IQCK: variants seen among roughly 807,000 people sequenced by gnomAD.
The protein encoded by IQCK is IQ motif containing K, also known as IQ domain-containing protein K.
A neutral mutation model predicts 28.1 loss-of-function variants in IQCK; 29 were observed. The observed-to-expected ratio is 1.03, with a 90% CI of 0.77 to 1.41. IQCK has a LOEUF of 1.41. Ranked by LOEUF, IQCK falls within the 40% of genes most tolerant of loss-of-function variation. IQCK has a pLI of 0.00. For missense variants in IQCK, 359 were observed against 314.7 expected, an observed-to-expected ratio of 1.14 and a Z score of -1.07; for synonymous variants, 113 against 115.1, an observed-to-expected ratio of 0.98 and a Z score of 0.12.
intron 7 of IQCK, among the ~76,000 whole-genome samples, chr16:19,819,180 T>A (rs1222731941): frequency 1.3e-5 from 2 of 152,158 alleles, no homozygotes; most frequent in Non-Finnish European, 2.9e-5. Flanking sequence ...TAGCTTTTGC[T>A]ACTTATTCTT....
intron 9 of IQCK, among the ~76,000 whole-genome samples, chr16:19,836,163 A>G (rs1369387574): frequency 6.6e-6 from 1 of 152,208 alleles, no homozygotes; most frequent in Non-Finnish European, 1.5e-5. Context: ...GAAGAAATAT[A>G]TCTGTAAATC....
At chr16:19,721,587 CTT>C (rs56747844) in intron 1 of IQCK, among the ~76,000 whole-genome samples, 64 of 137,670 alleles carry the variant, frequency 4.6e-4, no homozygotes, top group African/African-American at 9.3e-4. Context: ...TAACAGTTTC[CTT>C]TTTTTTTTTT....
At chr16:19,829,056 G>T, downstream of IQCK, among the ~76,000 whole-genome samples, 1 of 147,080 alleles carries the variant, frequency 6.8e-6, no homozygotes. Flanking sequence ...AGTCTGGAAA[G>T]AAAATTATTG....
chr16:19,783,755 C>T lies in IQCK; in HGVS notation c.606-5083C>T, dbSNP rs181576113. Among the ~76,000 whole-genome samples, 3 of 152,288 alleles carry T rather than the reference C, an allele frequency of 2.0e-5. No individual in the cohort carries two copies. The East Asian group carries it at 5.8e-4, about 29-fold the overall frequency. The stretch of plus-strand genomic sequence containing the variant: ...CTTGGTTTGGGAACTAGACAGCGCC[C>T]CATTATCTAGCTATGAAAGCAGGGA... On this transcript the variant is annotated intron_variant, in intron 6 of 7. Coordinates refer to ENST00000564186, the Ensembl canonical transcript of IQCK.
chr16:19,756,896 CAAAAAAAAA>C (rs34600488), intron 4 of IQCK, among the ~76,000 whole-genome samples: 2,155 of 96,202 alleles, frequency 0.022, 52 homozygotes, highest in African/African-American at 0.064. Flanking sequence ...GGCTCCATGT[CAAAAAAAAA>C]AAAAAAAAAG....
chr16:19,812,109 T>TC (rs1471305794), intron 7 of IQCK, among the ~76,000 whole-genome samples: 1 of 151,430 alleles, frequency 6.6e-6, no homozygotes, highest in African/African-American at 2.4e-5. Context: ...TGCCTTAGCC[T>TC]CCCCAGTGGC....
At chr16:19,774,319 A>G (rs1202881845) in intron 6 of IQCK, among the ~76,000 whole-genome samples, 2 of 151,882 alleles carry the variant, frequency 1.3e-5, no homozygotes, top group South Asian at 2.1e-4. Flanking sequence ...CCTAGTGCCA[A>G]CTATTATTAT....
intron 4 of IQCK, 35 bp from the exon 5 acceptor site, chr16:19,763,813 G>T (rs1368535680): frequency 2.6e-6 from 4 of 1,509,838 alleles, no homozygotes; most frequent in Admixed American, 3.3e-5. Flanking sequence ...GTGTTTAAGG[G>T]TCAGTTGTAA....
intron 4 of IQCK, among the ~76,000 whole-genome samples, chr16:19,752,185 G>C (rs1788083197): frequency 6.6e-6 from 1 of 152,148 alleles, no homozygotes; most frequent in African/African-American, 2.4e-5. Flanking sequence ...CCTGCCTTTG[G>C]ATTAGCTTAA....
intron 7 of IQCK, among the ~76,000 whole-genome samples, chr16:19,817,921 G>A (rs2056011021): frequency 6.6e-6 from 1 of 152,164 alleles, no homozygotes; most frequent in African/African-American, 2.4e-5. Context: ...ATAAAACATA[G>A]TCAAGTTGCT....
At chr16:19,822,978 C>T (rs112131446) in intron 7 of IQCK, among the ~76,000 whole-genome samples, 3,581 of 152,138 alleles carry the variant, frequency 0.024, 128 homozygotes, top group African/African-American at 0.08. Flanking sequence ...GAGGTGGCCC[C>T]TCTATCAATA....
intron 6 of IQCK, among the ~76,000 whole-genome samples, chr16:19,784,431 GA>G (rs2055535425): frequency 6.6e-6 from 1 of 152,126 alleles, no homozygotes; most frequent in Non-Finnish European, 1.5e-5. Flanking sequence ...CAACTCTCAA[GA>G]AAGGGTAACA....
At chr16:19,785,600 G>C (rs926010441) in intron 6 of IQCK, among the ~76,000 whole-genome samples, 4 of 152,160 alleles carry the variant, frequency 2.6e-5, no homozygotes, top group Non-Finnish European at 5.9e-5. Flanking sequence ...GACTGATTGC[G>C]GGCCGAGTCT....
intron 4 of IQCK, chr16:19,735,797 C>G: frequency 3.0e-6 from 1 of 337,754 alleles, no homozygotes; most frequent in African/African-American, 2.1e-5. Flanking sequence ...GCACGGTGGC[C>G]CATGCCTATA....
intron 6 of IQCK, among the ~76,000 whole-genome samples, chr16:19,771,781 G>A (rs1260531393): frequency 6.6e-6 from 1 of 152,110 alleles, no homozygotes; most frequent in Non-Finnish European, 1.5e-5. Flanking sequence ...TGAGGTGGAG[G>A]GAGAAGCACT....
intron 7 of IQCK, among the ~76,000 whole-genome samples, chr16:19,807,947 A>G (rs1256873791): frequency 6.6e-6 from 1 of 151,976 alleles, no homozygotes; most frequent in Non-Finnish European, 1.5e-5. Flanking sequence ...TGTTCCTTAA[A>G]TGAGTATTTT....
chr16:19,857,664 G>A, exon 10 of IQCK: 1 of 254,118 alleles, frequency 3.9e-6, no homozygotes, highest in South Asian at 4.3e-5. Flanking sequence ...GGTTTGGCCT[G>A]AGGCGTTCAA....
intron 7 of IQCK, among the ~76,000 whole-genome samples, chr16:19,809,681 G>GCT (rs2055878199): frequency 6.6e-6 from 1 of 152,200 alleles, no homozygotes; most frequent in Non-Finnish European, 1.5e-5. Context: ...ATGTTTTCAA[G>GCT]GGGATAGGGA....
intron 9 of IQCK, among the ~76,000 whole-genome samples, chr16:19,836,600 G>A (rs965171637): frequency 1.6e-4 from 24 of 151,882 alleles, no homozygotes; most frequent in Admixed American, 6.6e-5. Context: ...TGCAACCTCC[G>A]CCTCCCGGGT....
Sources: gnomAD v4.1 joint callset for allele counts (sites outside exome capture counted in the v4.1 genomes callset) on GRCh38, gnomAD v4.1.1 for gene constraint, MANE v1.5 for transcripts, NCBI Gene and HGNC (gene_info 2026-07-23, HGNC 2026-07-21) for gene names.